CDH4: variants seen among roughly 807,000 people sequenced by gnomAD.
CDH4 encodes the protein cadherin-4.
A neutral mutation model predicts 86.0 loss-of-function variants in CDH4; 33 were observed. The ratio of observed to expected loss-of-function variants is 0.38; its 90% CI spans 0.29 to 0.51. CDH4 has a LOEUF of 0.51. Among genes scored for constraint, CDH4 ranks in the 20% least tolerant of loss-of-function variants. The pLI is 0.86. For missense variants in CDH4, 1,114 were observed against 1,307.4 expected, an observed-to-expected ratio of 0.85 and a Z score of 2.28; for synonymous variants, 555 against 549.4, an observed-to-expected ratio of 1.01 and a Z score of -0.14.
At chr20:61,653,524 C>G (rs1178904299) in intron 2 of CDH4, among the ~76,000 whole-genome samples, 1 of 143,440 alleles carries the variant, frequency 7.0e-6, no homozygotes, top group Non-Finnish European at 1.6e-5. Flanking sequence ...CGGGCAGAGG[C>G]GCCCCTCACC....
At chr20:61,280,688 G>C (rs1181574892) in intron 2 of CDH4, among the ~76,000 whole-genome samples, 1 of 152,226 alleles carries the variant, frequency 6.6e-6, no homozygotes, top group African/African-American at 2.4e-5. Context: ...AAAAGCAGAG[G>C]CCCTGACATC....
intron 4 of CDH4, among the ~76,000 whole-genome samples, chr20:61,842,787 G>C (rs995294459): frequency 6.6e-6 from 1 of 152,084 alleles, no homozygotes; most frequent in Non-Finnish European, 1.5e-5. Context: ...GCTGCTTCCT[G>C]CTTTCTTGTT....
At chr20:61,888,190 C>T (rs1984633233) in intron 7 of CDH4, among the ~76,000 whole-genome samples, 1 of 152,220 alleles carries the variant, frequency 6.6e-6, no homozygotes, top group African/African-American at 2.4e-5. Context: ...ACTGCCGGTA[C>T]ACACAGATGG....
At chr20:61,286,000 T>A (rs2427027) in intron 2 of CDH4, among the ~76,000 whole-genome samples, 1 of 152,150 alleles carries the variant, frequency 6.6e-6, no homozygotes, top group South Asian at 2.1e-4. Context: ...TTCTTTTCCT[T>A]CCCCCTTCCT....
At chr20:61,542,185 T>C (rs2086044664) in intron 2 of CDH4, among the ~76,000 whole-genome samples, 1 of 152,162 alleles carries the variant, frequency 6.6e-6, no homozygotes, top group Non-Finnish European at 1.5e-5. Flanking sequence ...GGGCAGGTTG[T>C]TAATTCAGCA....
At chr20:61,605,901 A>AC (rs1426136507) in intron 2 of CDH4, among the ~76,000 whole-genome samples, 3 of 151,836 alleles carry the variant, frequency 2.0e-5, no homozygotes, top group East Asian at 3.9e-4. Flanking sequence ...AAAAAAAAAA[A>AC]AAAACAGGAA....
chr20:61,550,007 T>G (rs1276651715), intron 2 of CDH4, among the ~76,000 whole-genome samples: 1 of 152,098 alleles, frequency 6.6e-6, no homozygotes, highest in Admixed American at 6.5e-5. Context: ...CGGGACTCAC[T>G]GCAGCCCTGG....
At chr20:61,469,452 G>A (rs2085490290) in intron 2 of CDH4, among the ~76,000 whole-genome samples, 1 of 152,096 alleles carries the variant, frequency 6.6e-6, no homozygotes, top group African/African-American at 2.4e-5. Context: ...TATATATTCT[G>A]GTTACTAATC....
At chr20:61,800,001 G>A (rs1050740141) in intron 4 of CDH4, among the ~76,000 whole-genome samples, 3 of 152,054 alleles carry the variant, frequency 2.0e-5, no homozygotes, top group Non-Finnish European at 4.4e-5. Flanking sequence ...TGACCCGCTC[G>A]GCTGCAGCGG....
At chr20:61,877,374 A>AC (rs1984076511) in intron 7 of CDH4, among the ~76,000 whole-genome samples, 1 of 48,146 alleles carries the variant, frequency 2.1e-5, no homozygotes, top group East Asian at 7.9e-4. Context: ...CCCACCCCCC[A>AC]CCCCCCGCTG....
chr20:61,840,199 C>T (rs1185118705), intron 4 of CDH4, among the ~76,000 whole-genome samples: 1 of 152,152 alleles, frequency 6.6e-6, no homozygotes, highest in African/African-American at 2.4e-5. Context: ...CCTTCCCGAC[C>T]GTGCACGTGC....
chr20:61,704,031 G>A (rs558882671), intron 2 of CDH4, among the ~76,000 whole-genome samples: 6 of 151,984 alleles, frequency 3.9e-5, no homozygotes, highest in African/African-American at 2.4e-5. Flanking sequence ...TCCCTGGCTC[G>A]AGCCAGGCCT....
At chr20:61,317,372 G>A (rs1187921928) in intron 2 of CDH4, among the ~76,000 whole-genome samples, 8 of 152,168 alleles carry the variant, frequency 5.3e-5, no homozygotes, top group Admixed American at 3.9e-4. Flanking sequence ...ATAAATTAAG[G>A]CGCCTTTGCC....
intron 2 of CDH4, among the ~76,000 whole-genome samples, chr20:61,652,575 A>C (rs539404040): frequency 6.6e-6 from 1 of 152,200 alleles, no homozygotes; most frequent in Non-Finnish European, 1.5e-5. Context: ...CCTTAGATAC[A>C]TTCTTAAAAA....
chr20:61,506,504 C>A lies in CDH4; in HGVS notation c.170-237059C>A, dbSNP rs1177679048. ...ATCGTATCCACATTATTATTATTTT[C>A]TTTCTCCCTTAAGGATTAAGCTTCC... On this transcript the variant is annotated intron_variant, in intron 2 of 15. Transcript: ENST00000614565. Among the ~76,000 whole-genome samples the A allele has an allele frequency of 2.0e-5, 3 of 152,202 alleles. No homozygotes were observed. The East Asian group carries it at 5.8e-4, about 29-fold the overall frequency.
At chr20:61,920,909 G>A (rs899012632) in intron 9 of CDH4, among the ~76,000 whole-genome samples, 24 of 151,526 alleles carry the variant, frequency 1.6e-4, no homozygotes, top group African/African-American at 3.4e-4. Flanking sequence ...GCATGGAAGC[G>A]TGGTGTCGTG....
chr20:61,703,383 G>C lies in CDH4; in HGVS notation c.170-40180G>C, dbSNP rs931453457. The stretch of plus-strand genomic sequence containing the variant: ...GGCAGGATGGACACAGTTGATACTC[G>C]AGCGTGAATGGAGACACTGGCAGCA... On this transcript the variant is annotated intron_variant, in intron 2 of 15. Coordinates refer to ENST00000614565, the MANE Select transcript of CDH4 (RefSeq NM_001794.5). The surrounding 1 kb of genome is among the most constrained non-coding windows in gnomAD (Gnocchi z 4.3). Among the ~76,000 whole-genome samples, 1 of 152,174 alleles carries C rather than the reference G, an allele frequency of 6.6e-6. No individual in the cohort carries two copies. Among genetic ancestry groups the C allele is most frequent in the Non-Finnish European group, 1.5e-5 (1 of 68,042 alleles).
At chr20:61,870,353 G>T (rs1400987878) in intron 6 of CDH4, among the ~76,000 whole-genome samples, 1 of 152,244 alleles carries the variant, frequency 6.6e-6, no homozygotes, top group East Asian at 1.9e-4. Flanking sequence ...GGCTGGGGCA[G>T]GGTGAGGAAG....
chr20:61,762,333 C>T lies in CDH4; in HGVS notation c.397-10670C>T, dbSNP rs143227298. 1.2e-4 allele frequency among the ~76,000 whole-genome samples: 19 copies of T among 152,364 alleles called. No individual in the cohort carries two copies. The East Asian group carries it at 3.7e-3, about 29-fold the overall frequency. On this transcript the variant is annotated intron_variant, in intron 3 of 15. Transcript: ENST00000614565. ...ATCTGGTATGTAAAAAAGTTCTGCT[C>T]TCTGAGCTGAATTCTCTCATGATGA... is the stretch of plus-strand genomic sequence containing the variant.
Sources: allele counts gnomAD v4.1 joint callset (sites outside exome capture counted in the v4.1 genomes callset), GRCh38; gene constraint gnomAD v4.1.1; non-coding constraint Gnocchi (gnomAD v3.1); transcripts MANE v1.5; gene names NCBI Gene and HGNC (gene_info 2026-07-23, HGNC 2026-07-21).